The following CADM1 variants were observed in gnomAD, a reference collection of about 807,000 sequenced individuals.
The protein encoded by CADM1 is TSLC-1.
In CADM1, 15 loss-of-function variants were observed where a neutral mutation model predicts 53.1. The ratio of observed to expected loss-of-function variants is 0.28; its 90% confidence interval spans 0.19 to 0.44. The LOEUF is 0.44. CADM1 is among the 20% of genes least tolerant of loss of function. The pLI is 1.00. For missense variants in CADM1, 434 were observed against 611.3 expected (o/e 0.71, Z 3.06); for synonymous variants, 281 against 243.0 (o/e 1.16, Z -1.45).
intron 1 of CADM1, among the ~76,000 whole-genome samples, chr11:115,289,593 C>CTTT (rs56766047): frequency 9.2e-5 from 10 of 109,032 alleles, no homozygotes; most frequent in South Asian, 3.2e-4. Flanking sequence ...CTTTTTTTTT[C>CTTT]TTTTTTTTTT....
chr11:115,203,666 A>G (rs1045245825), intron 8 of CADM1, among the ~76,000 whole-genome samples: 5 of 152,210 alleles, frequency 3.3e-5, no homozygotes, highest in African/African-American at 4.8e-5. Flanking sequence ...AAGAGCATAA[A>G]GTTATTGAAA....
Position 115,209,663 on chromosome 11 carries a change from T to C in CADM1, c.995-6A>G, listed in dbSNP as rs1429732959. On this transcript the variant is annotated splice_region_variant and splice_polypyrimidine_tract_variant and intron_variant, in intron 7 of 11. Coordinates refer to ENST00000331581, the MANE Select transcript of CADM1 (RefSeq NM_001301043.2). ...AGGGATAGTTGTGGGGGGATCTGGA[T>C]AGAAAAAAAAAGGAAAATCAAACCC... is the stretch of plus-strand genomic sequence containing the variant. 1 of 1,609,834 alleles carries C rather than the reference T, an allele frequency of 6.2e-7. No individual in the cohort carries two copies. Among genetic ancestry groups the C allele is most frequent in the Non-Finnish European group, 8.5e-7 (1 of 1,178,762 alleles).
chr11:115,240,733 T>G, intron 1 of CADM1: 2 of 357,956 alleles, frequency 5.6e-6, no homozygotes, highest in Non-Finnish European at 5.3e-6. Context: ...AGTACCAGCT[T>G]TTGTGAATGC....
chr11:115,186,889 C>T (rs1040915219), intron 10 of CADM1, among the ~76,000 whole-genome samples: 6 of 152,134 alleles, frequency 3.9e-5, no homozygotes, highest in Admixed American at 2.0e-4. Context: ...AGTAGGGTGT[C>T]GCGGTAGGAG....
At chr11:115,442,514 C>G (rs1948340325) in intron 1 of CADM1, among the ~76,000 whole-genome samples, 1 of 152,174 alleles carries the variant, frequency 6.6e-6, no homozygotes. Context: ...GAGAGCTCTT[C>G]TCCCATTGGA....
chr11:115,359,439 C>A (rs1309309468), intron 1 of CADM1, among the ~76,000 whole-genome samples: 2 of 151,438 alleles, frequency 1.3e-5, no homozygotes, highest in East Asian at 1.9e-4. Flanking sequence ...TAGTAGATAC[C>A]CCAATAAAGC....
intron 1 of CADM1, chr11:115,339,971 T>A (rs1327553924): frequency 6.6e-6 from 1 of 152,082 alleles, no homozygotes; most frequent in East Asian, 1.9e-4. Flanking sequence ...TTGTTTCCAA[T>A]AAGATCACTA....
chr11:115,391,260 T>C (rs1946829013), intron 1 of CADM1, among the ~76,000 whole-genome samples: 1 of 152,252 alleles, frequency 6.6e-6, no homozygotes, highest in African/African-American at 2.4e-5. Flanking sequence ...TGTGATCTCA[T>C]GTTCCTTTTC....
intron 1 of CADM1, among the ~76,000 whole-genome samples, chr11:115,364,420 T>C (rs1013581): frequency 1 from 152,272 of 152,310 alleles, 76,118 homozygotes; most frequent in Non-Finnish European, 1. Context: ...CTTAAATCAA[T>C]TCCTTCCATG....
chr11:115,176,956 C>T (rs930110465), intron 11 of CADM1, among the ~76,000 whole-genome samples: 1 of 152,104 alleles, frequency 6.6e-6, no homozygotes, highest in African/African-American at 2.4e-5. Flanking sequence ...GATATGTGCA[C>T]GTACATTGTT....
chr11:115,239,133 T>A (rs1942121973), intron 2 of CADM1, among the ~76,000 whole-genome samples: 1 of 152,122 alleles, frequency 6.6e-6, no homozygotes, highest in Non-Finnish European at 1.5e-5. Context: ...AAATTGTAAG[T>A]AAGGCCTTCA....
At chr11:115,202,195 A>AT (rs922382594) in intron 8 of CADM1, among the ~76,000 whole-genome samples, 7 of 151,770 alleles carry the variant, frequency 4.6e-5, no homozygotes, top group African/African-American at 1.7e-4. Flanking sequence ...AGCAAAAAAA[A>AT]AAAATAATAC....
At chr11:115,321,599 G>A (rs1448723277) in intron 1 of CADM1, among the ~76,000 whole-genome samples, 1 of 152,190 alleles carries the variant, frequency 6.6e-6, no homozygotes, top group Non-Finnish European at 1.5e-5. Flanking sequence ...GTAAAGATGG[G>A]TAGTAAATGG....
chr11:115,336,184 A>G (rs1441851143), intron 1 of CADM1, among the ~76,000 whole-genome samples: 5 of 152,194 alleles, frequency 3.3e-5, no homozygotes, highest in African/African-American at 1.2e-4. Context: ...GGTGAAGAAT[A>G]CAATGACTTC....
intron 1 of CADM1, among the ~76,000 whole-genome samples, chr11:115,271,857 TGG>T (rs1943308024): frequency 6.6e-6 from 1 of 152,188 alleles, no homozygotes; most frequent in Non-Finnish European, 1.5e-5. Context: ...CACTGAGATG[TGG>T]TATTCCATGT....
chr11:115,340,658 A>ATATATATATATTTT (rs60532835), intron 1 of CADM1, among the ~76,000 whole-genome samples: 2 of 34,938 alleles, frequency 5.7e-5, no homozygotes, highest in African/African-American at 1.4e-4. Flanking sequence ...ATATATATAT[A>ATATATATATATTTT]TTTTTTTTTT....
chr11:115,450,734 ATTGCCAGTG>A (rs1481697048), intron 1 of CADM1, among the ~76,000 whole-genome samples: 1 of 152,252 alleles, frequency 6.6e-6, no homozygotes, highest in East Asian at 1.9e-4. Context: ...AATGGCTATC[ATTGCCAGTG>A]AGTATTAACA....
chr11:115,363,464 G>C (rs1340772610), intron 1 of CADM1, among the ~76,000 whole-genome samples: 1 of 152,196 alleles, frequency 6.6e-6, no homozygotes, highest in Non-Finnish European at 1.5e-5. Context: ...ACTCTGGACA[G>C]TGATCGATTT....
intron 3 of CADM1, among the ~76,000 whole-genome samples, chr11:115,231,986 C>CAATAATAATAAT (rs34209440): frequency 1.8e-4 from 27 of 148,442 alleles, no homozygotes; most frequent in African/African-American, 6.5e-4. Flanking sequence ...AACTCCGTCT[C>CAATAATAATAAT]AATAATAATA....
Sources: gnomAD v4.1 joint callset for allele counts (sites outside exome capture counted in the v4.1 genomes callset) on GRCh38, gnomAD v4.1.1 for gene constraint, MANE v1.5 for transcripts, NCBI Gene and HGNC (gene_info 2026-07-23, HGNC 2026-07-21) for gene names.